The following NUDT9 variants were observed in gnomAD, a reference collection of about 807,000 sequenced individuals.
NUDT9 encodes ADP-ribose pyrophosphatase.
NUDT9 carries 31 observed loss-of-function variants against 41.0 expected under a neutral mutation model. That is an observed-to-expected ratio of 0.76 (90% confidence interval 0.57 to 1.02). NUDT9 has a LOEUF of 1.02. NUDT9 is among the 50% of genes least tolerant of loss of function. NUDT9 has a pLI of 0.00. For missense variants in NUDT9, 380 were observed against 431.4 expected (o/e 0.88, Z 1.06); for synonymous variants, 146 against 147.6 (o/e 0.99, Z 0.08).
chr4:87,452,915 G>A (rs1309776981), intron 6 of NUDT9, among the ~76,000 whole-genome samples: 2 of 148,346 alleles, frequency 1.3e-5, no homozygotes, highest in Non-Finnish European at 3.0e-5. Flanking sequence ...AGGTTCAAGT[G>A]ATTCTCCTGC....
intron 3 of NUDT9, among the ~76,000 whole-genome samples, chr4:87,439,774 A>G (rs1722119960): frequency 6.6e-6 from 1 of 152,130 alleles, no homozygotes; most frequent in Admixed American, 6.5e-5. Flanking sequence ...TCTGCCCTCA[A>G]TTTTCGAGAA....
intron 4 of NUDT9, among the ~76,000 whole-genome samples, chr4:87,444,476 C>G (rs1385779539): frequency 6.6e-6 from 1 of 152,132 alleles, no homozygotes; most frequent in Non-Finnish European, 1.5e-5. Flanking sequence ...AACTACTGAT[C>G]AGCCTACCTC....
chr4:87,448,811 A>T (rs956826017), intron 4 of NUDT9, among the ~76,000 whole-genome samples: 3 of 152,174 alleles, frequency 2.0e-5, no homozygotes, highest in African/African-American at 7.2e-5. Flanking sequence ...TTATTTTTTA[A>T]AAAACTTTGA....
chr4:87,428,430 A>G (rs753679479), intron 1 of NUDT9, among the ~76,000 whole-genome samples: 3 of 152,242 alleles, frequency 2.0e-5, no homozygotes, highest in Non-Finnish European at 2.9e-5. Flanking sequence ...CTGCACACAG[A>G]TGTTTATAGC....
Position 87,451,635 on chromosome 4 carries a change from AATTTGGTG to A in NUDT9, c.691_698del (p.Phe231GlyfsTer12). ...AAGATTAGTGCCACACTGAAAAGAG[AATTTGGTG>A]AGGAAGCTCTCAACTCCTTACAGAA... On this transcript the variant is annotated frameshift_variant, in exon 6 of 8. Transcript: ENST00000302174. LOFTEE classifies it high-confidence loss of function. The A allele has an allele frequency of 6.2e-7, 1 of 1,613,850 alleles. No homozygotes were observed. The highest frequency in any genetic ancestry group is 8.5e-7 in the Non-Finnish European group (1 of 1,179,806).
At chr4:87,435,981 A>G (rs1329296391) in intron 2 of NUDT9, among the ~76,000 whole-genome samples, 2 of 151,946 alleles carry the variant, frequency 1.3e-5, no homozygotes, top group African/African-American at 2.4e-5. Flanking sequence ...AGTTTCAAGT[A>G]TACAATACTG....
chr4:87,444,956 TGATGAGTTCCTCTAAATA>T (rs1722381037), intron 4 of NUDT9, among the ~76,000 whole-genome samples: 1 of 152,154 alleles, frequency 6.6e-6, no homozygotes, highest in Non-Finnish European at 1.5e-5. Context: ...ATTAATAAAT[TGATGAGTTCCTCTAAATA>T]GATGAGAGGC....
At position 87,439,139 on chromosome 4, in the gene NUDT9, C is replaced by T. The variant is rs184713617; in HGVS notation, c.443+767C>T. Among the ~76,000 whole-genome samples the T allele has an allele frequency of 1.7e-3, 259 of 150,326 alleles. 3 individuals are homozygous for T. Among genetic ancestry groups the T allele is most frequent in the Admixed American group, 0.016 (247 of 15,106 alleles). ...TGAGATTGCGCCACTGCACTCCAGC[C>T]TGGGCGACAGAGCGAGACTCCATCT... is the stretch of plus-strand genomic sequence containing the variant. On this transcript the variant is annotated intron_variant, in intron 3 of 7. Transcript: ENST00000302174.
chr4:87,429,256 A>T (rs1721572238), intron 1 of NUDT9, among the ~76,000 whole-genome samples: 2 of 151,944 alleles, frequency 1.3e-5, no homozygotes, highest in Admixed American at 6.5e-5. Flanking sequence ...GACTCAGGAG[A>T]TCCTCCCACC....
Position 87,438,337 on chromosome 4 carries a change from G to C in NUDT9, c.408G>C (p.Lys136Asn). Residue 136 changes from lysine (K) to asparagine (N), a missense_variant, in exon 3 of 8, where the codon AAG (lysine) becomes AAC (asparagine). Lys to Asn is a moderately conservative substitution (Grantham distance 94, BLOSUM62 0). Coordinates refer to ENST00000302174, the MANE Select transcript of NUDT9 (RefSeq NM_024047.5). ...EKDGHVERKS[K>N]NGLYEIENGR... ...ATGGGCATGTTGAGAGAAAGAGCAA[G>C]AATGGCCTGTATGAGATTGAAAATG... 1 of 1,611,630 alleles carries C rather than the reference G, an allele frequency of 6.2e-7. No individual in the cohort carries two copies. The highest frequency in any genetic ancestry group is 1.3e-5 in the African/African-American group (1 of 74,974).
At chr4:87,443,751 A>G (rs1185102241) in intron 4 of NUDT9, among the ~76,000 whole-genome samples, 1 of 152,224 alleles carries the variant, frequency 6.6e-6, no homozygotes, top group East Asian at 1.9e-4. Flanking sequence ...GTTTGTAGTA[A>G]TATCTGAGTA....
intron 1 of NUDT9, among the ~76,000 whole-genome samples, chr4:87,428,879 T>C (rs918466928): frequency 5.3e-5 from 8 of 152,190 alleles, no homozygotes; most frequent in African/African-American, 1.7e-4. Flanking sequence ...TTTGTTAAAA[T>C]TGAACCTACA....
intron 1 of NUDT9, among the ~76,000 whole-genome samples, chr4:87,428,763 C>T (rs1042263398): frequency 6.6e-6 from 1 of 152,124 alleles, no homozygotes. Context: ...TTTAGGTTCA[C>T]ACCAAAATTG....
intron 6 of NUDT9, among the ~76,000 whole-genome samples, chr4:87,453,861 C>CTTTTT (rs533107265): frequency 1.0e-4 from 14 of 136,236 alleles, no homozygotes; most frequent in Non-Finnish European, 1.7e-4. Context: ...TTCTTTCTTT[C>CTTTTT]TTTTTTTTTT....
chr4:87,451,588 G>A lies in NUDT9; in HGVS notation c.643-1G>A. On this transcript the variant is annotated splice_acceptor_variant, in intron 5 of 7. Coordinates refer to ENST00000302174, the MANE Select transcript of NUDT9 (RefSeq NM_024047.5). LOFTEE classifies it high-confidence loss of function. Reference sequence around the variant, plus strand: ...TTCAAAATTTTTAATGTGACTCTTAGGGGATGGTGGATCCAGGAGAGAAGA... The same window carrying A: ...TTCAAAATTTTTAATGTGACTCTTAAGGGATGGTGGATCCAGGAGAGAAGA... 2 of 1,610,490 alleles carry A rather than the reference G, an allele frequency of 1.2e-6. No individual in the cohort carries two copies. The highest frequency in any genetic ancestry group is 1.7e-6 in the Non-Finnish European group (2 of 1,178,988).
intron 3 of NUDT9, among the ~76,000 whole-genome samples, chr4:87,440,706 C>T (rs186330236): frequency 6.6e-6 from 1 of 152,026 alleles, no homozygotes; most frequent in Non-Finnish European, 1.5e-5. Flanking sequence ...ATTAGCTGGG[C>T]GTGGTGGTGC....
rs752948509 is a variant in NUDT9, at chr4:87,435,074, G to A, written c.201G>A (p.Thr67=). ...AAAATTCTCACAATAAGGCTCGGAC[G>A]TCTCCTTACCCAGGTTCAAAAGTTG... is the stretch of plus-strand genomic sequence containing the variant. ...SKENSHNKAR[T]SPYPGSKVER... Residue 67 remains threonine (T), a synonymous_variant, in exon 2 of 8, where the codon ACG becomes ACA. Transcript: ENST00000302174. 53 of 1,613,998 alleles carry A rather than the reference G, an allele frequency of 3.3e-5. No individual in the cohort carries two copies. The South Asian group carries it at 4.0e-4, about 12-fold the overall frequency.
rs1453923485 is a variant in NUDT9 at position 87,451,705 on chromosome 4, G to A, written c.759G>A (p.Leu253=). The change falls in exon 6 of 8, where the codon TTG becomes TTA. Residue 253 remains leucine, a synonymous_variant. Transcript: ENST00000302174. ...SAEKREIEEK[L]HKLFSQDHLV... ...AGAAGAGAGAAATAGAGGAAAAGTT[G>A]CACAAACTCTTCAGCCAAGACCACC... 1 of 1,613,658 alleles carries A rather than the reference G, an allele frequency of 6.2e-7. No individual in the cohort carries two copies. Among genetic ancestry groups the A allele is most frequent in the Non-Finnish European group, 8.5e-7 (1 of 1,179,880 alleles).
intron 4 of NUDT9, 34 bp downstream of exon 4, chr4:87,441,949 G>T: frequency 6.8e-7 from 1 of 1,480,904 alleles, no homozygotes; most frequent in Non-Finnish European, 9.2e-7. Flanking sequence ...CAGTAGCAAA[G>T]AGCTAAGTGA....
Sources: gnomAD v4.1 joint callset for allele counts (sites outside exome capture counted in the v4.1 genomes callset) on GRCh38, gnomAD v4.1.1 for gene constraint, MANE v1.5 for transcripts, NCBI Gene and HGNC (gene_info 2026-07-23, HGNC 2026-07-21) for gene names.